DOCK9: variants seen among roughly 807,000 people sequenced by gnomAD.
The protein encoded by DOCK9 is dedicator of cytokinesis protein 9.
In DOCK9, 89 loss-of-function variants were observed where a neutral mutation model predicts 263.3. That is an observed-to-expected ratio of 0.34 (90% confidence interval 0.28 to 0.40). DOCK9 has a LOEUF of 0.40. DOCK9 is among the 10% of genes least tolerant of loss of function. The pLI is 1.00. For synonymous variants in DOCK9, 976 were observed against 973.1 expected, an observed-to-expected ratio of 1.00 and a Z score of -0.06; for missense variants, 2,140 against 2,603.4, an observed-to-expected ratio of 0.82 and a Z score of 3.87.
intron 3 of DOCK9, 99 bp from the exon 4 acceptor site, chr13:98,926,018 A>T: frequency 1.1e-6 from 1 of 904,238 alleles, no homozygotes; most frequent in South Asian, 1.9e-5. Context: ...CCATAGAAAC[A>T]TCAAAAAAAT....
At chr13:98,826,130 G>A (rs748826586) in intron 44 of DOCK9, among the ~76,000 whole-genome samples, 1 of 152,054 alleles carries the variant, frequency 6.6e-6, no homozygotes, top group Non-Finnish European at 1.5e-5. Context: ...TTCTCACTTC[G>A]TACATCTATT....
chr13:99,068,087 G>A (rs976848237), intron 1 of DOCK9, among the ~76,000 whole-genome samples: 4 of 152,034 alleles, frequency 2.6e-5, no homozygotes, highest in African/African-American at 9.7e-5. Flanking sequence ...TCTAGACCAG[G>A]ATATGGAATC....
chr13:98,845,653 T>TG (rs2141344437), intron 38 of DOCK9, among the ~76,000 whole-genome samples: 2 of 152,332 alleles, frequency 1.3e-5, no homozygotes, highest in East Asian at 3.9e-4. Context: ...CGGCTGGCTA[T>TG]GGACCCAGCC....
At chr13:99,086,329 G>A in exon 1 of DOCK9, 1 of 1,463,248 alleles carries the variant, frequency 6.8e-7, no homozygotes, top group Non-Finnish European at 9.0e-7. Context: ...CGCCGAGGCG[G>A]GGAGCAGCGG....
intron 7 of DOCK9, among the ~76,000 whole-genome samples, chr13:98,919,038 T>A (rs2051388956): frequency 6.6e-6 from 1 of 151,970 alleles, no homozygotes. Flanking sequence ...ACCACTACTA[T>A]TTCAAGGGAA....
Position 98,883,115 on chromosome 13 carries a change from T to A in DOCK9, c.2486A>T (p.Asn829Ile). 1 of 1,613,586 alleles carries A rather than the reference T, an allele frequency of 6.2e-7. No individual in the cohort carries two copies. The highest frequency in any genetic ancestry group is 8.5e-7 in the Non-Finnish European group (1 of 1,179,752). The change falls in exon 23 of 53, where the codon AAT becomes ATT. Residue 829 changes from asparagine to isoleucine, a missense_variant. Transcript: ENST00000682017. ...GGTTTTCTGACAGTACTGGAAAAAATTATGTAAATGCTGATCCTGAGGTAG... is the reference window on the plus strand; with the variant it reads ...GGTTTTCTGACAGTACTGGAAAAAAATATGTAAATGCTGATCCTGAGGTAG... ...TVYTQDQHLH[N>I]FFQYCQKTES...
chr13:99,074,637 AT>A (rs74779885), intron 1 of DOCK9, among the ~76,000 whole-genome samples: 6 of 79,324 alleles, frequency 7.6e-5, no homozygotes, highest in Non-Finnish European at 1.4e-4. Flanking sequence ...AGAACAACAG[AT>A]GAGCCAATCA....
At chr13:98,936,634 A>AG (rs1317036336) in intron 2 of DOCK9, among the ~76,000 whole-genome samples, 10 of 85,166 alleles carry the variant, frequency 1.2e-4, no homozygotes, top group African/African-American at 3.4e-4. Context: ...AAAAAAAAAA[A>AG]AAAGAAAGAA....
At chr13:98,922,398 T>G (rs1204732450) in intron 5 of DOCK9, among the ~76,000 whole-genome samples, 1 of 152,198 alleles carries the variant, frequency 6.6e-6, no homozygotes, top group African/African-American at 2.4e-5. Flanking sequence ...AATTTTTATT[T>G]GTCAGTGTTT....
intron 2 of DOCK9, among the ~76,000 whole-genome samples, chr13:98,930,620 T>C (rs868583502): frequency 5.9e-5 from 9 of 152,214 alleles, no homozygotes; most frequent in Non-Finnish European, 8.8e-5. Flanking sequence ...TTTTTTATTC[T>C]GGTAAAATAT....
At chr13:98,901,926 TA>T in intron 12 of DOCK9, 26 bp from the exon 13 acceptor site, 5 of 1,607,224 alleles carry the variant, frequency 3.1e-6, no homozygotes, top group African/African-American at 1.3e-5. Context: ...TTTTCTTCAG[TA>T]AGCAGAATTC....
chr13:98,883,321 C>A (rs372459020), intron 22 of DOCK9, among the ~76,000 whole-genome samples, 190 bp from the exon 23 acceptor site: 1 of 152,072 alleles, frequency 6.6e-6, no homozygotes, highest in African/African-American at 2.4e-5. Flanking sequence ...GACCATGGCT[C>A]ACTGCGGCCT....
Position 98,999,316 on chromosome 13 carries a change from A to ACACACACACTCTCTCTCT in DOCK9, c.130-43766_130-43765insAGAGAGAGAGTGTGTGTG. Among the ~76,000 whole-genome samples the ACACACACACTCTCTCTCT allele has an allele frequency of 6.8e-3, 938 of 138,330 alleles. 12 individuals are homozygous for ACACACACACTCTCTCTCT. The highest frequency in any genetic ancestry group is 0.024 in the African/African-American group (868 of 35,506). 90.7% of individuals were successfully genotyped at this position (138,330 alleles called of 152,430 possible). A position where few individuals can be genotyped will look rare whatever the true frequency, so the allele number is the denominator to read the frequency against. ...CACACACACACACACACACACACACACTCTCTCTCTCTCTCTCTCTGGAAG... is the reference window on the plus strand; with the variant it reads ...CACACACACACACACACACACACACACACACACACTCTCTCTCTCTCTCTCTCTCTCTCTCTCTGGAAG... On this transcript the variant is annotated intron_variant, in intron 1 of 32. Transcript: ENST00000427887.
At chr13:98,921,111 G>T in intron 6 of DOCK9, 23 bp from the exon 7 acceptor site, 3 of 1,580,904 alleles carry the variant, frequency 1.9e-6, no homozygotes, top group Non-Finnish European at 2.6e-6. Context: ...TATACACACA[G>T]CTATTCTTTC....
intron 3 of DOCK9, among the ~76,000 whole-genome samples, chr13:98,927,121 G>C (rs570829601): frequency 2.4e-4 from 37 of 152,370 alleles, no homozygotes; most frequent in Middle Eastern, 3.4e-3. Context: ...TATTCTGAGA[G>C]GTGGAATAAA....
At chr13:98,912,233 A>T (rs1470170387) in intron 9 of DOCK9, among the ~76,000 whole-genome samples, 2 of 152,206 alleles carry the variant, frequency 1.3e-5, no homozygotes, top group African/African-American at 4.8e-5. Context: ...CAAAGAGTAC[A>T]TGTATAAGTC....
chr13:98,975,472 T>TACACACACACACACACACAC (rs146581245), intron 1 of DOCK9, among the ~76,000 whole-genome samples: 5 of 142,510 alleles, frequency 3.5e-5, no homozygotes, highest in Admixed American at 6.9e-5. Flanking sequence ...TCTAAACACA[T>TACACACACACACACACACAC]ACACACACAC....
intron 1 of DOCK9, among the ~76,000 whole-genome samples, chr13:99,002,169 T>C (rs1380370642): frequency 6.6e-6 from 1 of 152,196 alleles, no homozygotes; most frequent in Non-Finnish European, 1.5e-5. Flanking sequence ...AGTTTGACCC[T>C]TTCCCTTCAT....
chr13:98,963,396 G>A (rs780964409), intron 1 of DOCK9, among the ~76,000 whole-genome samples: 8 of 152,278 alleles, frequency 5.3e-5, no homozygotes, highest in Non-Finnish European at 7.3e-5. Flanking sequence ...CACAATGTTC[G>A]CCCACAAACT....
Sources: gnomAD v4.1 joint callset for allele counts (sites outside exome capture counted in the v4.1 genomes callset) on GRCh38, gnomAD v4.1.1 for gene constraint, MANE v1.5 for transcripts, NCBI Gene and HGNC (gene_info 2026-07-23, HGNC 2026-07-21) for gene names.